The following TSGA10 variants were observed in gnomAD, a reference collection of about 807,000 sequenced individuals.
TSGA10 encodes testis-specific gene 10 protein.
TSGA10 carries 43 observed loss-of-function variants against 96.6 expected under a neutral mutation model. That is an observed-to-expected ratio of 0.44 (90% CI 0.35 to 0.57). The LOEUF is 0.57. TSGA10 is among the 20% of genes least tolerant of loss of function. The probability of loss-of-function intolerance (pLI) is 0.01; values close to 1 mark genes in which losing one functional copy is unlikely to be tolerated. For missense variants in TSGA10, 703 were observed against 834.4 expected (o/e 0.84, Z 1.94); for synonymous variants, 229 against 269.9 (o/e 0.85, Z 1.48).
At chr2:99,133,995 TTC>T (rs919775690) in intron 1 of TSGA10, among the ~76,000 whole-genome samples, 18 of 152,188 alleles carry the variant, frequency 1.2e-4, no homozygotes, top group African/African-American at 4.3e-4. Flanking sequence ...AACCCAACCT[TTC>T]TCTCTGTCTG....
chr2:99,038,333 A>AAATG (rs1188082517), intron 16 of TSGA10, among the ~76,000 whole-genome samples: 2 of 152,212 alleles, frequency 1.3e-5, no homozygotes, highest in East Asian at 3.8e-4. Flanking sequence ...TAAATGGTCT[A>AAATG]AATGCTCTAC....
intron 4 of TSGA10, among the ~76,000 whole-genome samples, chr2:99,112,654 T>C (rs2091910779): frequency 6.6e-6 from 1 of 151,790 alleles, no homozygotes; most frequent in African/African-American, 2.4e-5. Flanking sequence ...ACAAAGGTCC[T>C]AAGGCAAAAG....
intron 20 of TSGA10, among the ~76,000 whole-genome samples, chr2:99,003,811 G>C (rs903360584): frequency 6.6e-5 from 10 of 152,128 alleles, no homozygotes; most frequent in Admixed American, 3.3e-4. Context: ...GTGTGTAGAG[G>C]GAAATTTATA....
At chr2:99,099,312 C>T (rs2090440622) in intron 10 of TSGA10, among the ~76,000 whole-genome samples, 1 of 151,640 alleles carries the variant, frequency 6.6e-6, no homozygotes, top group Admixed American at 6.6e-5. Context: ...AACTCCGTCT[C>T]AAAAATAATA....
chr2:99,048,425 C>T (rs752107986), intron 16 of TSGA10, among the ~76,000 whole-genome samples: 29 of 152,064 alleles, frequency 1.9e-4, no homozygotes, highest in African/African-American at 4.8e-5. Context: ...GAAATAACAC[C>T]ACACATCTAC....
chr2:99,110,783 A>AT (rs1402745277), intron 5 of TSGA10, 67 bp downstream of exon 5: 1 of 393,016 alleles, frequency 2.5e-6, no homozygotes, highest in Non-Finnish European at 3.5e-6. Context: ...CAAAGATATA[A>AT]TTTTTTATAG....
At chr2:99,137,517 C>T (rs561858476) in intron 1 of TSGA10, among the ~76,000 whole-genome samples, 1 of 152,154 alleles carries the variant, frequency 6.6e-6, no homozygotes, top group Admixed American at 6.5e-5. Flanking sequence ...CAGTGGGAAG[C>T]CATTGGTGTA....
chr2:99,048,181 A>C (rs1573832033), intron 16 of TSGA10, among the ~76,000 whole-genome samples: 2 of 152,190 alleles, frequency 1.3e-5, no homozygotes, highest in African/African-American at 4.8e-5. Flanking sequence ...TATCCCCATC[A>C]AGCTACCATT....
At chr2:99,100,773 T>C (rs1270922198) in intron 10 of TSGA10, among the ~76,000 whole-genome samples, 1 of 147,028 alleles carries the variant, frequency 6.8e-6, no homozygotes, top group Non-Finnish European at 1.5e-5. Flanking sequence ...TGAGCCGAGA[T>C]TGTGCCACTG....
intron 10 of TSGA10, among the ~76,000 whole-genome samples, chr2:99,101,415 C>T (rs1039058517): frequency 1.3e-5 from 2 of 152,008 alleles, no homozygotes; most frequent in Non-Finnish European, 2.9e-5. Context: ...TAATCCTCCT[C>T]CCTTGGCCCC....
At chr2:99,131,180 T>G (rs2093063596) in intron 1 of TSGA10, among the ~76,000 whole-genome samples, 1 of 152,152 alleles carries the variant, frequency 6.6e-6, no homozygotes, top group Non-Finnish European at 1.5e-5. Context: ...AGAAAGTAGA[T>G]GGGGACAGCA....
rs931139795 is a variant in TSGA10, at chr2:99,154,889, A to G, written c.-817T>C. The G allele has an allele frequency of 1.2e-5, 5 of 403,556 alleles. No individual in the cohort carries two copies. The highest frequency in any genetic ancestry group is 1.1e-4 in the Admixed American group (4 of 36,172). 25.0% of individuals were successfully genotyped at this position (403,556 alleles called of 1,614,324 possible). On this transcript the variant is annotated 5_prime_UTR_variant, in exon 1 of 21. Transcript: ENST00000393483. Reference sequence around the variant, plus strand: ...CCACGGCTCCGCAGGCGGAGAGACTAGGCGCGATCCCTGCGCGCCCCTCCT... The same window carrying G: ...CCACGGCTCCGCAGGCGGAGAGACTGGGCGCGATCCCTGCGCGCCCCTCCT...
chr2:99,140,933 G>A (rs979819044), intron 1 of TSGA10: 5 of 391,158 alleles, frequency 1.3e-5, no homozygotes, highest in African/African-American at 6.8e-5. Context: ...GCCCGCCGCT[G>A]CCCCTCACAG....
chr2:99,111,582 G>A lies in TSGA10; in HGVS notation c.-139-667C>T, dbSNP rs182240955. Among the ~76,000 whole-genome samples the A allele has an allele frequency of 2.6e-3, 388 of 152,082 alleles. 1 individual carries two copies. The highest frequency in any genetic ancestry group is 3.8e-3 in the Non-Finnish European group (257 of 67,944). On this transcript the variant is annotated intron_variant, in intron 4 of 20. Transcript: ENST00000393483. The stretch of plus-strand genomic sequence containing the variant: ...ACTACATTTTTAATTTGAATTCTCT[G>A]GAATTATTGTACTTCATTTGTCCTT...
intron 16 of TSGA10, among the ~76,000 whole-genome samples, chr2:99,056,267 A>T (rs779481944): frequency 1.1e-4 from 17 of 152,156 alleles, no homozygotes; most frequent in Admixed American, 6.5e-4. Flanking sequence ...TTCTGAAAAG[A>T]TCAACTAAAT....
intron 1 of TSGA10, among the ~76,000 whole-genome samples, chr2:99,135,243 G>A (rs1017261478): frequency 7.2e-5 from 11 of 152,352 alleles, no homozygotes; most frequent in Middle Eastern, 3.4e-3. Flanking sequence ...ATAAGCCCCT[G>A]ACTGGGGCTG....
At chr2:99,099,341 T>A (rs935756898) in intron 10 of TSGA10, among the ~76,000 whole-genome samples, 2 of 151,904 alleles carry the variant, frequency 1.3e-5, no homozygotes, top group Admixed American at 6.6e-5. Flanking sequence ...AATAAAGCCA[T>A]AAGAAAGGTA....
At chr2:99,034,191 C>T (rs1026521392) in intron 17 of TSGA10, among the ~76,000 whole-genome samples, 9 of 151,488 alleles carry the variant, frequency 5.9e-5, no homozygotes, top group African/African-American at 2.2e-4. Flanking sequence ...GGATTAAAGT[C>T]GAGGAGTTCA....
chr2:99,035,940 C>T (rs981138273), intron 16 of TSGA10, among the ~76,000 whole-genome samples: 2 of 151,986 alleles, frequency 1.3e-5, no homozygotes, highest in African/African-American at 2.4e-5. Context: ...TTACTAATAC[C>T]TCTGAGGGAA....
Sources: allele counts gnomAD v4.1 joint callset (sites outside exome capture counted in the v4.1 genomes callset), GRCh38; gene constraint gnomAD v4.1.1; transcripts MANE v1.5; gene names NCBI Gene and HGNC (gene_info 2026-07-23, HGNC 2026-07-21).